SYCP2: variants seen among roughly 807,000 people sequenced by gnomAD.
SYCP2 encodes the protein synaptonemal complex lateral element protein.
SYCP2 carries 55 observed loss-of-function variants against 211.3 expected under a neutral mutation model. The observed-to-expected ratio is 0.26, with a 90% CI of 0.21 to 0.33. The LOEUF (loss-of-function observed/expected upper bound fraction) is 0.33. Ranked by LOEUF, SYCP2 falls within the 10% of genes least tolerant of loss-of-function variation. SYCP2 has a pLI of 1.00. For synonymous variants in SYCP2, 570 were observed against 555.2 expected, an observed-to-expected ratio of 1.03 and a Z score of -0.37; for missense variants, 1,731 against 1,752.0, an observed-to-expected ratio of 0.99 and a Z score of 0.21.
chr20:59,896,372 T>TA lies in SYCP2; in HGVS notation c.1504+56dup, dbSNP rs2060007365. On this transcript the variant is annotated intron_variant, in intron 19 of 44. Transcript: ENST00000357552. ...AATTATGTTCAGAATTGCCTTAAAT[T>TA]AAAAAATGCCTCCTTTAAAATAATT... The TA allele has an allele frequency of 7.0e-6, 7 of 1,000,638 alleles. 1 individual carries two copies. The East Asian group carries it at 1.5e-4, about 21-fold the overall frequency. The allele number at this position is 1,000,638 out of a possible 1,614,324, so 62.0% of individuals were successfully genotyped here.
At chr20:59,901,064 G>C (rs879293702) in intron 16 of SYCP2, among the ~76,000 whole-genome samples, 2 of 151,820 alleles carry the variant, frequency 1.3e-5, no homozygotes, top group Non-Finnish European at 2.9e-5. Context: ...CTAATATTAT[G>C]CAACATAAAT....
chr20:59,929,905 G>C (rs1278316259), intron 2 of SYCP2, among the ~76,000 whole-genome samples: 2 of 151,884 alleles, frequency 1.3e-5, no homozygotes, highest in African/African-American at 4.8e-5. Flanking sequence ...TCTAGACTGA[G>C]AATACAATTG....
intron 28 of SYCP2, 127 bp downstream of exon 28, chr20:59,881,818 A>T: frequency 1.6e-6 from 1 of 636,154 alleles, no homozygotes; most frequent in Non-Finnish European, 2.5e-6. Flanking sequence ...CCAAAATATT[A>T]TTATATATTT....
At chr20:59,909,458 C>A (rs1176762209) in intron 14 of SYCP2, among the ~76,000 whole-genome samples, 2 of 152,178 alleles carry the variant, frequency 1.3e-5, no homozygotes, top group African/African-American at 2.4e-5. Flanking sequence ...ATTGCAAAAG[C>A]CTCCTAACTG....
chr20:59,911,148 A>G (rs1021740152), intron 14 of SYCP2, among the ~76,000 whole-genome samples: 1 of 152,190 alleles, frequency 6.6e-6, no homozygotes, highest in Non-Finnish European at 1.5e-5. Flanking sequence ...GCATAATTTG[A>G]GCTAAATGTA....
At chr20:59,910,361 A>C (rs1018143818) in intron 14 of SYCP2, among the ~76,000 whole-genome samples, 2 of 145,372 alleles carry the variant, frequency 1.4e-5, no homozygotes, top group Admixed American at 1.4e-4. Flanking sequence ...ATACTGCTAT[A>C]GTGTAATTGC....
At chr20:59,876,409 A>AAAAAC (rs2059559269) in intron 33 of SYCP2, among the ~76,000 whole-genome samples, 1 of 142,358 alleles carries the variant, frequency 7.0e-6, no homozygotes, top group East Asian at 2.0e-4. Flanking sequence ...AAAAAAAAAA[A>AAAAAC]AAGAAGAAGT....
rs988213110 is a variant in SYCP2 at position 59,874,134 on chromosome 20, GATTA to G, written c.3350-77_3350-74del. Reference sequence around the variant, plus strand: ...TTGATGTCTGCTTTAGAAATAGCACGATTAATTTAAATTCTAAGAATTTGTCAGA... The same window carrying G: ...TTGATGTCTGCTTTAGAAATAGCACGATTTAAATTCTAAGAATTTGTCAGA... On this transcript the variant is annotated intron_variant, in intron 34 of 44. Transcript: ENST00000357552. 3 of 683,622 alleles carry G rather than the reference GATTA, an allele frequency of 4.4e-6. No homozygotes were observed. In the African/African-American group the frequency reaches 5.5e-5, roughly 13 times the overall value. The allele number at this position is 683,622 out of a possible 1,614,324, so 42.3% of individuals were successfully genotyped here.
Position 59,901,783 on chromosome 20 carries a change from A to G in SYCP2, c.1061T>C (p.Ile354Thr). Residue 354 changes from isoleucine to threonine, a missense_variant, in exon 16 of 45, where the codon ATA becomes ACA. By Grantham distance (89) the Ile-to-Thr change is moderately conservative (BLOSUM62 -1). Transcript: ENST00000357552. ...AATTTTTACTGTATTTTTCAGAATT[A>G]TTGTCAGTAGCTTCTTTGATTCTCT... ...EVRESKKLLT[I>T]ILKNTVKISK... 2 of 1,601,592 alleles carry G rather than the reference A, an allele frequency of 1.2e-6. No individual in the cohort carries two copies. Among genetic ancestry groups the G allele is most frequent in the Non-Finnish European group, 1.7e-6 (2 of 1,174,676 alleles).
chr20:59,882,204 C>G, intron 26 of SYCP2, 39 bp from the exon 27 acceptor site: 1 of 1,457,554 alleles, frequency 6.9e-7, no homozygotes, highest in Non-Finnish European at 9.5e-7. Context: ...AAATGGCTAA[C>G]AGGTATATGA....
intron 41 of SYCP2, 124 bp downstream of exon 41, chr20:59,866,169 A>G: frequency 1.8e-6 from 1 of 566,688 alleles, no homozygotes; most frequent in Admixed American, 3.6e-5. Flanking sequence ...AATCTAAGAT[A>G]AAACTAAATT....
At chr20:59,925,830 C>CT (rs901454663) in intron 2 of SYCP2, among the ~76,000 whole-genome samples, 1 of 151,940 alleles carries the variant, frequency 6.6e-6, no homozygotes, top group South Asian at 2.1e-4. Context: ...TGTTAGATTT[C>CT]TTTTTTTAAG....
In SYCP2 at chr20:59,916,569, T is replaced by C; in HGVS notation, c.430A>G (p.Lys144Glu). ...ACGAAACTTTCCACTACTTGTTTTT[T>C]ACCTGAATAAAAGTGTTAAATTATT... ...LVIHDVSDEG[K>E]KQVVESFVPR... Residue 144 changes from lysine (K) to glutamate (E), a missense_variant and splice_region_variant, in exon 8 of 45, where the codon AAA (lysine) becomes GAA (glutamate). Coordinates refer to ENST00000357552, the MANE Select transcript of SYCP2 (RefSeq NM_014258.4). The C allele has an allele frequency of 6.3e-7, 1 of 1,588,084 alleles. No homozygotes were observed. The highest frequency in any genetic ancestry group is 8.6e-7 in the Non-Finnish European group (1 of 1,156,456).
intron 33 of SYCP2, 27 bp from the exon 34 acceptor site, chr20:59,875,496 A>T: frequency 1.3e-6 from 2 of 1,540,860 alleles, no homozygotes; most frequent in South Asian, 2.3e-5. Context: ...CTTTCAAATT[A>T]TACTCAAGTA....
At chr20:59,883,528 C>T (rs2059724809) in intron 26 of SYCP2, among the ~76,000 whole-genome samples, 1 of 151,636 alleles carries the variant, frequency 6.6e-6, no homozygotes, top group South Asian at 2.1e-4. Context: ...AATAGTATAT[C>T]CTGAAATTTG....
intron 24 of SYCP2, among the ~76,000 whole-genome samples, chr20:59,889,728 T>C (rs1048774113): frequency 2.0e-5 from 3 of 152,058 alleles, no homozygotes; most frequent in Non-Finnish European, 4.4e-5. Context: ...AAATACTGTA[T>C]GATTTCAGAA....
At chr20:59,896,801 T>A (rs1282778197) in intron 18 of SYCP2, among the ~76,000 whole-genome samples, 2 of 152,202 alleles carry the variant, frequency 1.3e-5, no homozygotes, top group Non-Finnish European at 2.9e-5. Flanking sequence ...TACCTTTATA[T>A]GCTAGCTGAA....
chr20:59,867,662 CATATTATT>C, intron 39 of SYCP2, 41 bp downstream of exon 39: 1 of 1,499,684 alleles, frequency 6.7e-7, no homozygotes, highest in Non-Finnish European at 9.2e-7. Context: ...GAAAGTGTGG[CATATTATT>C]ATATTATTGG....
chr20:59,933,532 G>GT (rs1353928013), intron 1 of SYCP2, 37 bp downstream of exon 1: 7 of 151,716 alleles, frequency 4.6e-5, no homozygotes, highest in Admixed American at 6.6e-5. Context: ...GCGCCCCGCC[G>GT]TGGGGGAAGC....
Sources: allele counts gnomAD v4.1 joint callset (sites outside exome capture counted in the v4.1 genomes callset), GRCh38; gene constraint gnomAD v4.1.1; transcripts MANE v1.5; gene names NCBI Gene and HGNC (gene_info 2026-07-23, HGNC 2026-07-21).